DCP1A: variants seen among roughly 807,000 people sequenced by gnomAD.
The protein encoded by DCP1A is decapping mRNA 1A.
A neutral mutation model predicts 58.0 loss-of-function variants in DCP1A; 20 were observed. The ratio of observed to expected loss-of-function variants is 0.34; its 90% CI spans 0.24 to 0.50. The LOEUF is 0.50. Ranked by LOEUF, DCP1A falls within the 20% of genes least tolerant of loss-of-function variation. The pLI is 0.98. For missense variants in DCP1A, 613 were observed against 712.2 expected (o/e 0.86, Z 1.59); for synonymous variants, 285 against 275.1 (o/e 1.04, Z -0.36).
At chr3:53,303,407 C>T (rs1473047456) in intron 6 of DCP1A, among the ~76,000 whole-genome samples, 1 of 152,132 alleles carries the variant, frequency 6.6e-6, no homozygotes, top group Non-Finnish European at 1.5e-5. Context: ...GCTGGCATTA[C>T]AGGCACGTGC....
chr3:53,329,399 A>G (rs182866562), intron 3 of DCP1A: 9 of 398,642 alleles, frequency 2.3e-5, no homozygotes, highest in African/African-American at 1.6e-4. Flanking sequence ...AGGAAAAGTG[A>G]TAAGTGAAGC....
chr3:53,347,457 G>C lies in DCP1A; in HGVS notation c.61C>G (p.Pro21Ala), dbSNP rs782065939. ...MSLAALKQHD[P>A]YITSIADLTG... ...AGGTCTGCGATGCTGGTGATATAGG[G>C]GTCGTGTTGCTTCAGGGCCGCTAGG... Residue 21 changes from proline to alanine, a missense_variant, in exon 1 of 10, where the codon CCC (proline) becomes GCC (alanine). Around this residue, in one of 3 missense-constraint regions of DCP1A, gnomAD observed 50 missense variants for 37.0 expected, o/e 1.35. Transcript: ENST00000610213. 6.2e-7 allele frequency: 1 copy of C among 1,613,750 alleles called. No individual in the cohort carries two copies. Among genetic ancestry groups the C allele is most frequent in the Non-Finnish European group, 8.5e-7 (1 of 1,179,762 alleles).
intron 9 of DCP1A, 64 bp downstream of exon 9, chr3:53,288,001 G>C: frequency 6.9e-7 from 1 of 1,456,346 alleles, no homozygotes; most frequent in Non-Finnish European, 9.4e-7. Flanking sequence ...TCTGTAAGAG[G>C]AATTTATAAA....
intron 3 of DCP1A, among the ~76,000 whole-genome samples, chr3:53,340,120 T>C (rs1473187655): frequency 3.3e-5 from 5 of 152,020 alleles, no homozygotes; most frequent in African/African-American, 1.2e-4. Flanking sequence ...AGTGGGGGTT[T>C]TGACATGTTG....
In DCP1A at chr3:53,298,715, A is replaced by G. The variant is rs542891789; in HGVS notation, c.624+5462T>C. On this transcript the variant is annotated intron_variant, in intron 6 of 9. Coordinates refer to ENST00000610213, the MANE Select transcript of DCP1A (RefSeq NM_018403.7). ...TGGATGGTGATACTTACCTCCGGAA[A>G]ACAGGTACAGCTAAGGTTTGAATAA... is the stretch of plus-strand genomic sequence containing the variant. Among the ~76,000 whole-genome samples, 8 of 152,350 alleles carry G rather than the reference A, an allele frequency of 5.3e-5. No individual in the cohort carries two copies. The East Asian group carries it at 7.7e-4, about 15-fold the overall frequency.
intron 3 of DCP1A, among the ~76,000 whole-genome samples, chr3:53,338,425 A>AACCACC (rs201915114): frequency 9.9e-5 from 15 of 151,870 alleles, no homozygotes; most frequent in African/African-American, 3.6e-4. Context: ...TTTTGAAAAC[A>AACCACC]ACCACCACCA....
intron 5 of DCP1A, among the ~76,000 whole-genome samples, chr3:53,304,959 T>C (rs1322427510): frequency 6.6e-6 from 1 of 152,136 alleles, no homozygotes; most frequent in East Asian, 1.9e-4. Flanking sequence ...TTTATGTCCC[T>C]ATCAGCATAA....
intron 8 of DCP1A, among the ~76,000 whole-genome samples, chr3:53,288,894 G>A (rs1553685546): frequency 2.0e-5 from 3 of 152,196 alleles, no homozygotes; most frequent in South Asian, 4.1e-4. Flanking sequence ...GCGTGTGCCT[G>A]TAATCCCAGA....
chr3:53,314,181 AC>A (rs1553688954), intron 4 of DCP1A, among the ~76,000 whole-genome samples: 2 of 152,174 alleles, frequency 1.3e-5, no homozygotes, highest in Non-Finnish European at 2.9e-5. Flanking sequence ...GACATGAGCC[AC>A]CACAACTGGC....
At chr3:53,307,180 C>G in intron 5 of DCP1A, among the ~76,000 whole-genome samples, 1 of 152,008 alleles carries the variant, frequency 6.6e-6, no homozygotes, top group East Asian at 1.9e-4. Flanking sequence ...AACTCCTGAC[C>G]TCAAGCAATC....
chr3:53,332,033 A>G (rs563125704), intron 3 of DCP1A, among the ~76,000 whole-genome samples: 25 of 152,334 alleles, frequency 1.6e-4, no homozygotes, highest in Non-Finnish European at 3.1e-4. Flanking sequence ...GCAGGTATGT[A>G]TAATAGGGAG....
At chr3:53,287,834 C>T (rs1706699172) in intron 9 of DCP1A, among the ~76,000 whole-genome samples, 174 bp from the exon 10 acceptor site, 1 of 151,680 alleles carries the variant, frequency 6.6e-6, no homozygotes, top group African/African-American at 2.4e-5. Context: ...ATTTCTCCAC[C>T]AGGACTGTAT....
chr3:53,300,198 A>G (rs1025307854), intron 6 of DCP1A, among the ~76,000 whole-genome samples: 23 of 152,134 alleles, frequency 1.5e-4, no homozygotes, highest in Non-Finnish European at 8.8e-5. Flanking sequence ...AAAGTATATG[A>G]AAAATGACGG....
chr3:53,311,846 A>G (rs1230873087), intron 5 of DCP1A, among the ~76,000 whole-genome samples: 6 of 152,202 alleles, frequency 3.9e-5, no homozygotes, highest in African/African-American at 1.4e-4. Context: ...GTAATCTTAT[A>G]GGAATAGAAA....
intron 4 of DCP1A, among the ~76,000 whole-genome samples, chr3:53,318,518 T>C (rs1160338248): frequency 1.3e-5 from 2 of 152,008 alleles, no homozygotes; most frequent in Non-Finnish European, 2.9e-5. Context: ...TGCACCAGAA[T>C]ATACCGTCTA....
chr3:53,321,681 TG>T (rs1401952558), intron 3 of DCP1A, among the ~76,000 whole-genome samples: 1 of 152,194 alleles, frequency 6.6e-6, no homozygotes, highest in Non-Finnish European at 1.5e-5. Context: ...ATTGCACCAC[TG>T]CACTGCAGCC....
At chr3:53,337,453 T>A (rs1462378418) in intron 3 of DCP1A, among the ~76,000 whole-genome samples, 1 of 152,230 alleles carries the variant, frequency 6.6e-6, no homozygotes, top group African/African-American at 2.4e-5. Context: ...ATATTTTGTA[T>A]TTGTAAATGC....
intron 6 of DCP1A, among the ~76,000 whole-genome samples, chr3:53,298,168 T>C (rs1172146866): frequency 1.3e-5 from 2 of 152,182 alleles, no homozygotes; most frequent in African/African-American, 4.8e-5. Flanking sequence ...CAGTGAGCTA[T>C]GATCAGGCCA....
chr3:53,321,311 C>T (rs939745290), intron 3 of DCP1A, among the ~76,000 whole-genome samples: 3 of 152,272 alleles, frequency 2.0e-5, no homozygotes, highest in African/African-American at 4.8e-5. Context: ...CTATGCTACT[C>T]GGTTTAATTG....
Sources: allele counts gnomAD v4.1 joint callset (sites outside exome capture counted in the v4.1 genomes callset), GRCh38; gene constraint gnomAD v4.1.1; regional missense constraint gnomAD v4.1.1; transcripts MANE v1.5; gene names NCBI Gene and HGNC (gene_info 2026-07-23, HGNC 2026-07-21).